The following ST3GAL4 variants were observed in gnomAD, a reference collection of about 807,000 sequenced individuals.
ST3GAL4 encodes CMP-N-acetylneuraminate-beta-galactosamide-alpha-2,3-sialyltransferase 4.
In ST3GAL4, 24 loss-of-function variants were observed where a neutral mutation model predicts 42.6. The ratio of observed to expected loss-of-function variants is 0.56; its 90% CI spans 0.41 to 0.79. The LOEUF (loss-of-function observed/expected upper bound fraction) is 0.79. Among genes scored for constraint, ST3GAL4 ranks in the 30% least tolerant of loss-of-function variants. ST3GAL4 has a pLI of 0.00. For missense variants in ST3GAL4, 311 were observed against 430.8 expected (o/e 0.72, Z 2.46); for synonymous variants, 135 against 163.2 (o/e 0.83, Z 1.32).
intron 1 of ST3GAL4, among the ~76,000 whole-genome samples, chr11:126,368,293 T>A (rs1952512248): frequency 6.6e-6 from 1 of 151,762 alleles, no homozygotes; most frequent in African/African-American, 2.4e-5. Flanking sequence ...ACATCAGGAG[T>A]CAGTGACCAG....
chr11:126,407,166 TATA>T, intron 4 of ST3GAL4, 83 bp from the exon 5 acceptor site: 1 of 1,512,262 alleles, frequency 6.6e-7, no homozygotes, highest in Non-Finnish European at 9.2e-7. Flanking sequence ...GAGAAGGCCT[TATA>T]ATATTAGTCA....
intron 10 of ST3GAL4, 40 bp downstream of exon 10, chr11:126,413,688 G>T: frequency 6.2e-7 from 1 of 1,609,346 alleles, no homozygotes; most frequent in South Asian, 1.1e-5. Flanking sequence ...CCAGGGCGTG[G>T]ACGGGCAGAC....
intron 1 of ST3GAL4, among the ~76,000 whole-genome samples, chr11:126,390,798 A>T (rs149057686): frequency 6.7e-4 from 102 of 152,114 alleles, no homozygotes; most frequent in African/African-American, 2.4e-3. Context: ...AACTCTCTTC[A>T]TCTTGCCAAA....
chr11:126,405,210 T>A (rs530515237), intron 1 of ST3GAL4, among the ~76,000 whole-genome samples: 8 of 152,364 alleles, frequency 5.3e-5, no homozygotes, highest in Middle Eastern at 3.4e-3. Flanking sequence ...ATCTGGTGCC[T>A]CTGTGTGGCT....
In ST3GAL4 at chr11:126,355,931, G is replaced by C. The variant is rs1952044605; in HGVS notation, c.-61+89G>C. On this transcript the variant is annotated intron_variant, in intron 1 of 10. Coordinates refer to ENST00000444328, the MANE Select transcript of ST3GAL4 (RefSeq NM_001254757.2). This position sits in a 1 kb window ranked among gnomAD's most constrained non-coding sequence, Gnocchi z 7.1. ...CCTCGGCCGCCTGACCCCAGCCGGCGCCGCGCCTCCCGGAGGGGGTCGGGC... is the reference window on the plus strand; with the variant it reads ...CCTCGGCCGCCTGACCCCAGCCGGCCCCGCGCCTCCCGGAGGGGGTCGGGC... 1 of 150,566 alleles carries C rather than the reference G, an allele frequency of 6.6e-6. No individual in the cohort carries two copies. Among genetic ancestry groups the C allele is most frequent in the East Asian group, 1.9e-4 (1 of 5,158 alleles). 9.3% of individuals were successfully genotyped at this position (150,566 alleles called of 1,614,324 possible). A position where few individuals can be genotyped will look rare whatever the true frequency, so the allele number is the denominator to read the frequency against.
chr11:126,380,876 A>G (rs1346316227), intron 1 of ST3GAL4, among the ~76,000 whole-genome samples: 1 of 152,160 alleles, frequency 6.6e-6, no homozygotes, highest in Non-Finnish European at 1.5e-5. Flanking sequence ...GAGTTGGCCA[A>G]AGTAGGGAGA....
chr11:126,387,112 G>A (rs965331345), intron 1 of ST3GAL4, among the ~76,000 whole-genome samples: 4 of 152,290 alleles, frequency 2.6e-5, no homozygotes, highest in South Asian at 2.1e-4. Context: ...CGCAGGTGAC[G>A]CGTGTTCTAG....
rs1953823582 is a variant in ST3GAL4, at chr11:126,397,326, A to G, written c.-60-8770A>G. On this transcript the variant is annotated intron_variant, in intron 1 of 10. Transcript: ENST00000444328. The surrounding 1 kb of genome is among the most constrained non-coding windows in gnomAD (Gnocchi z 5.0). ...ATATAACACAAAGTTACATTGTACC[A>G]TAAAGCATATTCTATAGTACACTTA... Among the ~76,000 whole-genome samples the G allele has an allele frequency of 6.6e-6, 1 of 152,152 alleles. No homozygotes were observed. Among genetic ancestry groups the G allele is most frequent in the Non-Finnish European group, 1.5e-5 (1 of 68,048 alleles).
Position 126,378,090 on chromosome 11 carries a change from T to G in ST3GAL4, c.-61+22248T>G, listed in dbSNP as rs541073310. On this transcript the variant is annotated intron_variant, in intron 1 of 10. Transcript: ENST00000444328. The surrounding 1 kb of genome is among the most constrained non-coding windows in gnomAD (Gnocchi z 5.3). The stretch of plus-strand genomic sequence containing the variant: ...TTTATGTACAAATGACTCTAAGGAT[T>G]TGTATGGCAATTGAAGAGTCATATC... Among the ~76,000 whole-genome samples, 2 of 152,266 alleles carry G rather than the reference T, an allele frequency of 1.3e-5. No individual in the cohort carries two copies. The highest frequency in any genetic ancestry group is 3.9e-4 in the East Asian group (2 of 5,184).
rs903911424 is a variant in ST3GAL4, at chr11:126,392,195, TG to T, written c.-60-13897del. 2.1e-6 allele frequency: 1 copy of T among 484,312 alleles called. No individual in the cohort carries two copies. The highest frequency in any genetic ancestry group is 2.7e-6 in the Non-Finnish European group (1 of 371,922). The allele number at this position is 484,312 out of a possible 1,614,324, so 30.0% of individuals were successfully genotyped here. A position where few individuals can be genotyped will look rare whatever the true frequency, so the allele number is the denominator to read the frequency against. ...CCTTGCGCTTCCTGGGGCTTGGTCC[TG>T]GGGTTTCATCTCAGGTTGACCCCCG... On this transcript the variant is annotated intron_variant, in intron 1 of 10. Coordinates refer to ENST00000444328, the MANE Select transcript of ST3GAL4 (RefSeq NM_001254757.2). The surrounding 1 kb of genome is among the most constrained non-coding windows in gnomAD (Gnocchi z 5.8).
rs997225304 is a variant in ST3GAL4 at position 126,366,936 on chromosome 11, G to A, written c.-61+11094G>A. Among the ~76,000 whole-genome samples, 9 of 152,096 alleles carry A rather than the reference G, an allele frequency of 5.9e-5. No individual in the cohort carries two copies. The highest frequency in any genetic ancestry group is 2.2e-4 in the African/African-American group (9 of 41,362). On this transcript the variant is annotated intron_variant, in intron 1 of 10. Transcript: ENST00000444328. The surrounding 1 kb of genome is among the most constrained non-coding windows in gnomAD (Gnocchi z 4.2). Reference sequence around the variant, plus strand: ...ATTTGTGGCACCTGCAGGGCTGAACGTTGCCTTTGCTGTCCCTGCTTGGGG... The same window carrying A: ...ATTTGTGGCACCTGCAGGGCTGAACATTGCCTTTGCTGTCCCTGCTTGGGG...
At chr11:126,404,276 A>G (rs921651586) in intron 1 of ST3GAL4, among the ~76,000 whole-genome samples, 1 of 152,188 alleles carries the variant, frequency 6.6e-6, no homozygotes, top group Non-Finnish European at 1.5e-5. Flanking sequence ...AGCAGTGGGA[A>G]TAGGCTGACT....
In ST3GAL4 at chr11:126,397,048, C is replaced by T. The variant is rs999796012; in HGVS notation, c.-60-9048C>T. On this transcript the variant is annotated intron_variant, in intron 1 of 10. Transcript: ENST00000444328. This position sits in a 1 kb window ranked among gnomAD's most constrained non-coding sequence, Gnocchi z 5.0. ...ACCCCATAATACACAAGACAGACCC[C>T]GCAACAGTGAACTCTCTGGCCCCTC... 3.9e-5 allele frequency among the ~76,000 whole-genome samples: 6 copies of T among 152,012 alleles called. No individual in the cohort carries two copies. The highest frequency in any genetic ancestry group is 1.2e-4 in the African/African-American group (5 of 41,318).
At position 126,413,661 on chromosome 11, in the gene ST3GAL4, C is replaced by G. The variant is rs1396849591; in HGVS notation, c.915+13C>G. On this transcript the variant is annotated intron_variant, in intron 10 of 10. Transcript: ENST00000444328. ...CAAGTCCATGGCGGTAAGTGCCTGGCTTGTGAGCATGGTGGGCCAGGGCGT... is the reference window on the plus strand; with the variant it reads ...CAAGTCCATGGCGGTAAGTGCCTGGGTTGTGAGCATGGTGGGCCAGGGCGT... 3.7e-6 allele frequency: 6 copies of G among 1,613,370 alleles called. No homozygotes were observed. The highest frequency in any genetic ancestry group is 1.3e-5 in the African/African-American group (1 of 74,930).
At position 126,392,204 on chromosome 11, in the gene ST3GAL4, A is replaced by G; in HGVS notation, c.-60-13892A>G. 2 of 575,674 alleles carry G rather than the reference A, an allele frequency of 3.5e-6. No individual in the cohort carries two copies. Among genetic ancestry groups the G allele is most frequent in the Non-Finnish European group, 4.4e-6 (2 of 455,570 alleles). The allele number at this position is 575,674 out of a possible 1,614,324, so 35.7% of individuals were successfully genotyped here. On this transcript the variant is annotated intron_variant, in intron 1 of 10. Transcript: ENST00000444328. The surrounding 1 kb of genome is among the most constrained non-coding windows in gnomAD (Gnocchi z 5.8). ...TCCTGGGGCTTGGTCCTGGGGTTTC[A>G]TCTCAGGTTGACCCCCGTTAGGAGG...
rs754271468 is a variant in ST3GAL4, at chr11:126,373,504, C to T, written c.-61+17662C>T. Among the ~76,000 whole-genome samples, 3 of 152,142 alleles carry T rather than the reference C, an allele frequency of 2.0e-5. No individual in the cohort carries two copies. Among genetic ancestry groups the T allele is most frequent in the Non-Finnish European group, 4.4e-5 (3 of 68,030 alleles). On this transcript the variant is annotated intron_variant, in intron 1 of 10. Transcript: ENST00000444328. The surrounding 1 kb of genome is among the most constrained non-coding windows in gnomAD (Gnocchi z 5.5). The stretch of plus-strand genomic sequence containing the variant: ...AGCCTCTGCCCCTCCCAGGCAGACA[C>T]CAAGGTATGATTTTCAAGTGGTTGG...
At chr11:126,399,433 T>G (rs1953915634) in intron 1 of ST3GAL4, among the ~76,000 whole-genome samples, 1 of 149,220 alleles carries the variant, frequency 6.7e-6, no homozygotes, top group Non-Finnish European at 1.5e-5. Context: ...GCCTCCCTAA[T>G]AGCTGGGATT....
At chr11:126,358,821 A>G (rs895708343) in intron 1 of ST3GAL4, among the ~76,000 whole-genome samples, 1 of 152,134 alleles carries the variant, frequency 6.6e-6, no homozygotes, top group Non-Finnish European at 1.5e-5. Context: ...ATAGGATGTG[A>G]TAAGATGGTA....
intron 1 of ST3GAL4, among the ~76,000 whole-genome samples, chr11:126,402,001 G>A (rs1180079657): frequency 3.3e-5 from 5 of 149,874 alleles, no homozygotes; most frequent in Non-Finnish European, 7.4e-5. Flanking sequence ...AAGGAGAGGT[G>A]GGAGACACAG....
Sources: gnomAD v4.1 joint callset for allele counts (sites outside exome capture counted in the v4.1 genomes callset) on GRCh38, gnomAD v4.1.1 for gene constraint, Gnocchi (gnomAD v3.1) non-coding constraint, MANE v1.5 for transcripts, NCBI Gene and HGNC (gene_info 2026-07-23, HGNC 2026-07-21) for gene names.